The following ZBTB20 variants were observed in gnomAD, a reference collection of about 807,000 sequenced individuals.
The protein encoded by ZBTB20 is zinc finger and BTB domain containing 20.
In ZBTB20, 9 loss-of-function variants were observed where a neutral mutation model predicts 56.9. That is an observed-to-expected ratio of 0.16 (90% CI 0.10 to 0.28). The LOEUF (loss-of-function observed/expected upper bound fraction) is 0.28, where lower values mean the gene tolerates loss of function less well. Among genes scored for constraint, ZBTB20 ranks in the 10% least tolerant of loss-of-function variants. The pLI is 1.00. For synonymous variants in ZBTB20, 417 were observed against 420.7 expected (o/e 0.99, Z 0.11); for missense variants, 655 against 1,003.0 (o/e 0.65, Z 4.69).
At chr3:114,660,781 T>C (rs2060677199) in intron 6 of ZBTB20, among the ~76,000 whole-genome samples, 1 of 152,044 alleles carries the variant, frequency 6.6e-6, no homozygotes, top group African/African-American at 2.4e-5. Context: ...TTTTTTTCAA[T>C]AGTACCCTCT....
At chr3:114,900,510 T>TACACAC (rs1263120224) in intron 3 of ZBTB20, 168 bp from the exon 4 acceptor site, 1 of 139,260 alleles carries the variant, frequency 7.2e-6, no homozygotes, top group African/African-American at 3.1e-5. Flanking sequence ...TCTGAAAATA[T>TACACAC]ATACACACAC....
chr3:114,810,826 C>A (rs756944457), intron 4 of ZBTB20, among the ~76,000 whole-genome samples: 1 of 152,048 alleles, frequency 6.6e-6, no homozygotes, highest in Non-Finnish European at 1.5e-5. Flanking sequence ...AGTCTAACTG[C>A]CATTGAATGA....
intron 6 of ZBTB20, chr3:114,519,986 G>A (rs1256721812): frequency 6.6e-6 from 1 of 151,388 alleles, no homozygotes; most frequent in Non-Finnish European, 1.5e-5. Context: ...AAGGGAAATG[G>A]CAAGAAAACA....
chr3:114,498,658 G>T (rs892016136), intron 7 of ZBTB20, among the ~76,000 whole-genome samples: 2 of 152,092 alleles, frequency 1.3e-5, no homozygotes, highest in Non-Finnish European at 2.9e-5. Flanking sequence ...GTATATGAAC[G>T]GATTATCTGC....
intron 1 of ZBTB20, among the ~76,000 whole-genome samples, chr3:115,126,207 T>C (rs2084328587): frequency 6.6e-6 from 1 of 152,138 alleles, no homozygotes; most frequent in Non-Finnish European, 1.5e-5. Context: ...GACAATACCA[T>C]ATGTTAAAGA....
chr3:114,840,737 C>G (rs1270105638), intron 4 of ZBTB20, among the ~76,000 whole-genome samples: 1 of 151,768 alleles, frequency 6.6e-6, no homozygotes, highest in African/African-American at 2.4e-5. Flanking sequence ...GACATTAAAA[C>G]AGACAAAAAA....
intron 6 of ZBTB20, among the ~76,000 whole-genome samples, chr3:114,652,685 A>G (rs536127853): frequency 6.6e-6 from 1 of 152,126 alleles, no homozygotes; most frequent in African/African-American, 2.4e-5. Context: ...TATACATTTT[A>G]AAATAAATTT....
At chr3:115,045,715 C>A (rs959089969) in intron 2 of ZBTB20, among the ~76,000 whole-genome samples, 3 of 151,860 alleles carry the variant, frequency 2.0e-5, no homozygotes, top group Non-Finnish European at 4.4e-5. Context: ...ATTATTCAGC[C>A]CTCCCTTTCA....
intron 1 of ZBTB20, among the ~76,000 whole-genome samples, chr3:115,123,806 G>A (rs553371794): frequency 4.6e-5 from 7 of 152,218 alleles, no homozygotes; most frequent in Non-Finnish European, 7.4e-5. Context: ...TCATTCTCCT[G>A]AATAAAAATA....
At chr3:114,491,168 C>T (rs924296867) in intron 7 of ZBTB20, among the ~76,000 whole-genome samples, 17 of 152,226 alleles carry the variant, frequency 1.1e-4, no homozygotes, top group Non-Finnish European at 2.5e-4. Flanking sequence ...AGAACCAAAA[C>T]AAGAAGCTAA....
intron 5 of ZBTB20, among the ~76,000 whole-genome samples, chr3:114,766,507 G>GTGTA (rs2068804093): frequency 6.6e-6 from 1 of 151,286 alleles, no homozygotes. Context: ...GTGTGTGTGT[G>GTGTA]TGTGTGTGTG....
At chr3:114,886,340 G>C (rs2076599633) in intron 4 of ZBTB20, among the ~76,000 whole-genome samples, 1 of 152,096 alleles carries the variant, frequency 6.6e-6, no homozygotes, top group South Asian at 2.1e-4. Context: ...TTGTACGTAT[G>C]GCCATATCCA....
In ZBTB20 at chr3:114,893,076, C is replaced by T. The variant is rs1017020503; in HGVS notation, c.-417+7228G>A. 3.3e-5 allele frequency among the ~76,000 whole-genome samples: 5 copies of T among 152,164 alleles called. No individual in the cohort carries two copies. The East Asian group carries it at 5.8e-4, about 18-fold the overall frequency. Reference sequence around the variant, plus strand: ...ATTTACAGAACATGCTCTTGGGATCCGGACTTCGCTCCAAACCTTGTTTGT... The same window carrying T: ...ATTTACAGAACATGCTCTTGGGATCTGGACTTCGCTCCAAACCTTGTTTGT... On this transcript the variant is annotated intron_variant, in intron 4 of 11. Transcript: ENST00000675478.
chr3:114,386,657 T>A (rs2085163465), intron 8 of ZBTB20, among the ~76,000 whole-genome samples: 1 of 152,180 alleles, frequency 6.6e-6, no homozygotes, highest in Non-Finnish European at 1.5e-5. Flanking sequence ...TGTCTCCTTT[T>A]GGCCAAATTC....
chr3:115,107,513 G>A (rs887401413), intron 1 of ZBTB20, among the ~76,000 whole-genome samples: 4 of 152,128 alleles, frequency 2.6e-5, no homozygotes, highest in African/African-American at 7.2e-5. Flanking sequence ...AGATGCTGGC[G>A]AGGCTGCAAA....
At chr3:115,003,797 T>A (rs1375953939) in intron 2 of ZBTB20, among the ~76,000 whole-genome samples, 1 of 151,700 alleles carries the variant, frequency 6.6e-6, no homozygotes, top group Non-Finnish European at 1.5e-5. Context: ...GATAAATATG[T>A]AGCTGAATTT....
chr3:114,385,164 C>T (rs1156245110), intron 8 of ZBTB20, among the ~76,000 whole-genome samples: 1 of 152,094 alleles, frequency 6.6e-6, no homozygotes, highest in Non-Finnish European at 1.5e-5. Context: ...TTAGTTGGAA[C>T]CTCCTATTGG....
At chr3:114,872,092 C>T (rs2076035417) in intron 4 of ZBTB20, among the ~76,000 whole-genome samples, 1 of 152,074 alleles carries the variant, frequency 6.6e-6, no homozygotes, top group Non-Finnish European at 1.5e-5. Flanking sequence ...TAAAGCCTTC[C>T]CAATATCTAT....
intron 1 of ZBTB20, among the ~76,000 whole-genome samples, chr3:115,137,229 A>G (rs2084675150): frequency 6.6e-6 from 1 of 152,092 alleles, no homozygotes; most frequent in Non-Finnish European, 1.5e-5. Flanking sequence ...GACTGCATTC[A>G]GATGATACAG....
Sources: allele counts gnomAD v4.1 joint callset (sites outside exome capture counted in the v4.1 genomes callset), GRCh38; gene constraint gnomAD v4.1.1; transcripts MANE v1.5; gene names NCBI Gene and HGNC (gene_info 2026-07-23, HGNC 2026-07-21).